Variants in LRRC4C observed in about 807,000 individuals in gnomAD.
The protein encoded by LRRC4C is leucine-rich repeat-containing protein 4C.
In LRRC4C, 5 loss-of-function variants were observed where a neutral mutation model predicts 33.6. The ratio of observed to expected loss-of-function variants is 0.15; its 90% CI spans 0.08 to 0.31. The LOEUF (loss-of-function observed/expected upper bound fraction) is 0.31, where lower values mean the gene tolerates loss of function less well. LRRC4C is among the 10% of genes least tolerant of loss of function. LRRC4C has a pLI of 1.00. For synonymous variants in LRRC4C, 329 were observed against 302.0 expected, an observed-to-expected ratio of 1.09 and a Z score of -0.93; for missense variants, 560 against 796.7, an observed-to-expected ratio of 0.70 and a Z score of 3.58.
chr11:40,585,807 AT>A (rs1378546120), intron 3 of LRRC4C, among the ~76,000 whole-genome samples: 1 of 136,600 alleles, frequency 7.3e-6, no homozygotes, highest in Non-Finnish European at 1.6e-5. Context: ...TGAACTCATC[AT>A]TTTTTATGGC....
chr11:41,369,680 T>C (rs1952673008), intron 1 of LRRC4C, among the ~76,000 whole-genome samples: 1 of 152,096 alleles, frequency 6.6e-6, no homozygotes, highest in Non-Finnish European at 1.5e-5. Context: ...AAGAGACTGG[T>C]TGATGATGAG....
chr11:40,984,325 AGAAAG>A (rs1317877975), intron 1 of LRRC4C, among the ~76,000 whole-genome samples: 2 of 148,172 alleles, frequency 1.3e-5, no homozygotes, highest in African/African-American at 4.9e-5. Flanking sequence ...GAAAAAGAAA[AGAAAG>A]AAAGAAAGAA....
At chr11:40,428,245 T>C (rs1336265612) in intron 3 of LRRC4C, among the ~76,000 whole-genome samples, 2 of 152,202 alleles carry the variant, frequency 1.3e-5, no homozygotes, top group Non-Finnish European at 2.9e-5. Flanking sequence ...CTTGATTCCC[T>C]AAGCGGCTAC....
chr11:40,332,741 G>C (rs1946418877), intron 3 of LRRC4C, among the ~76,000 whole-genome samples: 2 of 152,068 alleles, frequency 1.3e-5, no homozygotes, highest in Admixed American at 1.3e-4. Context: ...ATTGTTCATG[G>C]ATTGGAGGAT....
chr11:41,079,206 T>G (rs1227357735), intron 1 of LRRC4C, among the ~76,000 whole-genome samples: 2 of 152,182 alleles, frequency 1.3e-5, no homozygotes, highest in African/African-American at 4.8e-5. Flanking sequence ...AGGCTGAAGA[T>G]AGCCTCTGAG....
chr11:40,648,052 G>A (rs1011625690), intron 3 of LRRC4C, 90 bp downstream of exon 3: 1 of 152,194 alleles, frequency 6.6e-6, no homozygotes, highest in Non-Finnish European at 1.5e-5. Context: ...TACCAAAGGA[G>A]AATTATAATG....
intron 1 of LRRC4C, among the ~76,000 whole-genome samples, chr11:41,065,083 T>TGAGCCAGGGAGCCGAGCCAGGGAGCC (rs56108057): frequency 1.3e-5 from 2 of 151,402 alleles, no homozygotes; most frequent in East Asian, 4.0e-4. Context: ...GAAAGGGGGC[T>TGAGCCAGGGAGCCGAGCCAGGGAGCC]GAGCCAGGGA....
At chr11:40,205,870 C>T (rs1203810705) in intron 5 of LRRC4C, among the ~76,000 whole-genome samples, 1 of 152,154 alleles carries the variant, frequency 6.6e-6, no homozygotes, top group Non-Finnish European at 1.5e-5. Flanking sequence ...ATCACAAGCT[C>T]ATTAAGTACC....
chr11:40,719,877 C>T lies in LRRC4C; in HGVS notation c.-406-71599G>A, dbSNP rs1429688056. Among the ~76,000 whole-genome samples the T allele has an allele frequency of 2.0e-5, 3 of 152,194 alleles. No individual in the cohort carries two copies. The East Asian group carries it at 5.8e-4, about 29-fold the overall frequency. On this transcript the variant is annotated intron_variant, in intron 2 of 6. Transcript: ENST00000528697. ...TCAAAGTGGCTAGTGAAATTGTATT[C>T]AGATTACAGTCTGAATCAAAATTTC...
At chr11:40,681,503 AAAAT>A (rs1944684064) in intron 2 of LRRC4C, among the ~76,000 whole-genome samples, 1 of 152,204 alleles carries the variant, frequency 6.6e-6, no homozygotes, top group Admixed American at 6.5e-5. Context: ...GTGGTAGTGA[AAAAT>A]AAAGCTTTAA....
At chr11:41,209,085 A>C (rs938846149) in intron 1 of LRRC4C, among the ~76,000 whole-genome samples, 3 of 151,980 alleles carry the variant, frequency 2.0e-5, no homozygotes, top group African/African-American at 4.8e-5. Flanking sequence ...GAAAAAAAAA[A>C]AAACCCGTTA....
chr11:41,029,223 G>T (rs547247378), intron 1 of LRRC4C, among the ~76,000 whole-genome samples: 1 of 151,778 alleles, frequency 6.6e-6, no homozygotes, highest in Non-Finnish European at 1.5e-5. Context: ...TTGTAAACCA[G>T]ATAGGAGGAG....
At chr11:40,402,719 A>G (rs569127338) in intron 3 of LRRC4C, among the ~76,000 whole-genome samples, 52 of 152,272 alleles carry the variant, frequency 3.4e-4, no homozygotes, top group African/African-American at 1.3e-3. Context: ...GAAATGAAAG[A>G]AGTAACCCTT....
intron 3 of LRRC4C, among the ~76,000 whole-genome samples, chr11:40,472,897 C>G (rs184143798): frequency 3.3e-5 from 5 of 152,256 alleles, no homozygotes; most frequent in Admixed American, 3.3e-4. Flanking sequence ...CCTCCCAAGA[C>G]TAAAGCAGGA....
At chr11:41,051,544 A>AAAAAAAAAAAAAAAAG (rs1858220105) in intron 1 of LRRC4C, among the ~76,000 whole-genome samples, 1 of 130,758 alleles carries the variant, frequency 7.6e-6, no homozygotes, top group Non-Finnish European at 1.6e-5. Context: ...AAAAAAAAAA[A>AAAAAAAAAAAAAAAAG]AAAAAAAAAG....
chr11:41,410,636 T>C (rs1246871216), intron 1 of LRRC4C, among the ~76,000 whole-genome samples: 1 of 151,996 alleles, frequency 6.6e-6, no homozygotes, highest in Non-Finnish European at 1.5e-5. Flanking sequence ...GAGACGGTGT[T>C]TCACCGTGTT....
chr11:41,254,080 T>C (rs2044203228), intron 1 of LRRC4C, among the ~76,000 whole-genome samples: 1 of 152,062 alleles, frequency 6.6e-6, no homozygotes, highest in South Asian at 2.1e-4. Flanking sequence ...TTCACCAGTG[T>C]CCACTCACTG....
chr11:40,416,641 G>A (rs371001079), intron 3 of LRRC4C, among the ~76,000 whole-genome samples: 6 of 152,224 alleles, frequency 3.9e-5, no homozygotes, highest in African/African-American at 1.4e-4. Flanking sequence ...TTTTGTACCT[G>A]GCACTAAGTG....
At chr11:40,281,040 G>A (rs1435608929) in intron 4 of LRRC4C, among the ~76,000 whole-genome samples, 1 of 152,186 alleles carries the variant, frequency 6.6e-6, no homozygotes, top group African/African-American at 2.4e-5. Flanking sequence ...GACTAAGGAT[G>A]AAGGCGGATA....
Sources: allele counts gnomAD v4.1 joint callset (sites outside exome capture counted in the v4.1 genomes callset), GRCh38; gene constraint gnomAD v4.1.1; transcripts MANE v1.5; gene names NCBI Gene and HGNC (gene_info 2026-07-23, HGNC 2026-07-21).